The following HDX variants were observed in gnomAD, a reference collection of about 807,000 sequenced individuals.
The protein encoded by HDX is highly divergent homeobox.
Under a neutral mutation model 45.2 loss-of-function variants are expected in HDX, and 19 were observed. The ratio of observed to expected loss-of-function variants is 0.42; its 90% CI spans 0.29 to 0.62. The LOEUF is 0.62. Ranked by LOEUF, HDX falls within the 20% of genes least tolerant of loss-of-function variation. The probability of loss-of-function intolerance (pLI) is 0.20; values close to 1 mark genes in which losing one functional copy is unlikely to be tolerated. For missense variants in HDX, 532 were observed against 493.9 expected (o/e 1.08, Z -0.73); for synonymous variants, 188 against 172.8 (o/e 1.09, Z -0.69).
At chrX:84,353,188 T>C (rs1343153955) in intron 6 of HDX, among the ~76,000 whole-genome samples, 1 of 112,075 alleles carries the variant, frequency 8.9e-6, no homozygotes, top group Non-Finnish European at 1.9e-5. Flanking sequence ...AATGATTCAA[T>C]GTATAAATAC....
rs2036545721 is a variant in HDX, at chrX:84,318,735, G to C, written c.*3154C>G. 1 of 111,108 alleles carries C rather than the reference G, an allele frequency of 9.0e-6. No homozygotes were observed. The highest frequency in any genetic ancestry group is 1.9e-5 in the Non-Finnish European group (1 of 52,563). The allele number at this position is 111,108 out of a possible 1,213,427, so 9.2% of individuals were successfully genotyped here. A position where few individuals can be genotyped will look rare whatever the true frequency, so the allele number is the denominator to read the frequency against. On this transcript the variant is annotated 3_prime_UTR_variant, in exon 11 of 11. Coordinates refer to ENST00000373177, the MANE Select transcript of HDX (RefSeq NM_001177479.2). The stretch of plus-strand genomic sequence containing the variant: ...TTCTTTGACATCTTTTGAGGTCTTG[G>C]TCGAATAAAGAGTACAGGGTATAAT...
At chrX:84,475,230 G>A (rs2040523433) in intron 3 of HDX, 21 bp downstream of exon 3, 3 of 1,162,698 alleles carry the variant, frequency 2.6e-6, no homozygotes, top group Middle Eastern at 2.4e-4. Context: ...TTAAATTTGA[G>A]TGTAAGACCT....
At chrX:84,391,143 T>C (rs145164436) in intron 5 of HDX, among the ~76,000 whole-genome samples, 3,528 of 112,003 alleles carry the variant, frequency 0.031, 154 homozygotes, top group African/African-American at 0.11. Flanking sequence ...CTCTGGCATC[T>C]GTCATTCTAT....
chrX:84,367,801 T>C (rs1225323733), intron 5 of HDX, among the ~76,000 whole-genome samples: 1 of 111,298 alleles, frequency 9.0e-6, no homozygotes, highest in Non-Finnish European at 1.9e-5. Context: ...AGTTGAACAA[T>C]GAGAACACAT....
At chrX:84,499,957 T>C (rs1453708393) in intron 1 of HDX, 1 of 112,176 alleles carries the variant, frequency 8.9e-6, no homozygotes, top group East Asian at 2.8e-4. Flanking sequence ...AGATAAAATG[T>C]AATAAAAAGT....
intron 5 of HDX, among the ~76,000 whole-genome samples, chrX:84,422,581 C>T (rs968960833): frequency 5.8e-5 from 6 of 102,722 alleles, no homozygotes; most frequent in Admixed American, 2.2e-4. Flanking sequence ...AATTAGTAGA[C>T]GAAAATAAAT....
At chrX:84,403,284 G>T (rs746567610) in intron 5 of HDX, among the ~76,000 whole-genome samples, 4 of 110,772 alleles carry the variant, frequency 3.6e-5, no homozygotes, top group South Asian at 3.7e-4. Flanking sequence ...TAAAAATAAA[G>T]GTTAAATGAA....
intron 6 of HDX, among the ~76,000 whole-genome samples, chrX:84,351,827 G>A (rs758578586): frequency 9.0e-6 from 1 of 111,427 alleles, no homozygotes; most frequent in African/African-American, 3.3e-5. Context: ...TACTTAATGA[G>A]AAGAATAGGG....
chrX:84,460,603 G>A (rs1370129630), intron 4 of HDX, among the ~76,000 whole-genome samples: 1 of 111,317 alleles, frequency 9.0e-6, no homozygotes, highest in African/African-American at 3.3e-5. Flanking sequence ...TACTGAATGG[G>A]GACAAAATGA....
At chrX:84,433,329 C>T (rs2039548288) in intron 5 of HDX, among the ~76,000 whole-genome samples, 2 of 111,617 alleles carry the variant, frequency 1.8e-5, no homozygotes, top group South Asian at 7.3e-4. Context: ...TGAGGTCTCT[C>T]ATTTAGGTAT....
intron 5 of HDX, among the ~76,000 whole-genome samples, chrX:84,385,873 T>G (rs2147918454): frequency 1.1e-5 from 1 of 93,983 alleles, no homozygotes; most frequent in East Asian, 3.9e-4. Context: ...TGGCTCTTGC[T>G]AGCACTTCCA....
At chrX:84,363,733 GA>G (rs951180794) in intron 5 of HDX, among the ~76,000 whole-genome samples, 153 of 111,056 alleles carry the variant, frequency 1.4e-3, no homozygotes, top group Non-Finnish European at 2.4e-3. Context: ...TTTAGAGAAG[GA>G]AAAAAAAGTG....
chrX:84,426,845 C>T (rs2039393098), intron 5 of HDX, among the ~76,000 whole-genome samples: 1 of 110,608 alleles, frequency 9.0e-6, no homozygotes, highest in South Asian at 3.8e-4. Flanking sequence ...GATAGATATG[C>T]TAATTGCTTG....
intron 1 of HDX, among the ~76,000 whole-genome samples, chrX:84,495,850 T>G (rs113596077): frequency 3.6e-5 from 4 of 111,563 alleles, no homozygotes; most frequent in Admixed American, 9.5e-5. Flanking sequence ...CATATTTATT[T>G]TAACCCAAAA....
chrX:84,498,148 G>A (rs930471738), intron 1 of HDX, among the ~76,000 whole-genome samples: 3 of 111,248 alleles, frequency 2.7e-5, no homozygotes, highest in Admixed American at 9.6e-5. Context: ...TGAAACAAAA[G>A]GTAAGACAGA....
intron 5 of HDX, among the ~76,000 whole-genome samples, chrX:84,373,160 G>A (rs2037940559): frequency 1.8e-5 from 2 of 111,551 alleles, no homozygotes; most frequent in African/African-American, 3.3e-5. Context: ...GAAAAGCCAT[G>A]ACATAGCAAA....
At chrX:84,332,091 T>C (rs1163775052) in intron 9 of HDX, among the ~76,000 whole-genome samples, 1 of 111,593 alleles carries the variant, frequency 9.0e-6, no homozygotes, top group African/African-American at 3.2e-5. Context: ...ACTAAACTGG[T>C]AGAGCTTTTT....
chrX:84,484,594 A>G (rs1033781017), intron 2 of HDX, among the ~76,000 whole-genome samples: 1 of 112,090 alleles, frequency 8.9e-6, no homozygotes, highest in Non-Finnish European at 1.9e-5. Context: ...TGGTGGGGAC[A>G]CAGCCAAGCT....
intron 3 of HDX, among the ~76,000 whole-genome samples, chrX:84,472,862 A>C (rs2040477594): frequency 9.1e-6 from 1 of 110,364 alleles, no homozygotes; most frequent in Admixed American, 9.7e-5. Context: ...AAGCTGAATT[A>C]AATTTTACTA....
Sources: gnomAD v4.1 joint callset for allele counts (sites outside exome capture counted in the v4.1 genomes callset) on GRCh38, gnomAD v4.1.1 for gene constraint, MANE v1.5 for transcripts, NCBI Gene and HGNC (gene_info 2026-07-23, HGNC 2026-07-21) for gene names.